ABCA6: variants seen among roughly 807,000 people sequenced by gnomAD.
ABCA6 encodes ATP binding cassette subfamily A member 6, also known as ATP-binding cassette sub-family A member 6.
Under a neutral mutation model 191.2 loss-of-function variants are expected in ABCA6, and 164 were observed. The observed-to-expected ratio is 0.86, with a 90% CI of 0.76 to 0.98. The LOEUF (loss-of-function observed/expected upper bound fraction) is 0.98. ABCA6 is among the 50% of genes least tolerant of loss of function. ABCA6 has a pLI of 0.00. For missense variants in ABCA6, 1,958 were observed against 1,894.1 expected, an observed-to-expected ratio of 1.03 and a Z score of -0.63; for synonymous variants, 636 against 647.7, an observed-to-expected ratio of 0.98 and a Z score of 0.27.
intron 18 of ABCA6, 73 bp from the exon 19 acceptor site, chr17:69,106,284 T>G: frequency 7.2e-7 from 1 of 1,391,024 alleles, no homozygotes; most frequent in Non-Finnish European, 9.7e-7. Flanking sequence ...CAGATTTTCC[T>G]TAGTAATATT....
chr17:69,133,711 T>C lies in ABCA6; in HGVS notation c.721A>G (p.Asn241Asp), dbSNP rs1288572062. The change falls in exon 6 of 39, where the codon AAT becomes GAT. Residue 241 changes from asparagine (N) to aspartate (D), a missense_variant. Asn to Asp is a conservative substitution (Grantham distance 23). Coordinates refer to ENST00000284425, the MANE Select transcript of ABCA6 (RefSeq NM_080284.3). ...FSPLVYFISL[N>D]VTKERKKSKN... ...GACTTTTTTCTCTCTTTTGTTACAT[T>C]GAGTGATATAAAATATACAAGTGGG... 6.2e-7 allele frequency: 1 copy of C among 1,611,286 alleles called. No individual in the cohort carries two copies. The highest frequency in any genetic ancestry group is 2.2e-5 in the East Asian group (1 of 44,742).
chr17:69,128,907 A>ATT, intron 7 of ABCA6, 103 bp from the exon 8 acceptor site: 5 of 884,000 alleles, frequency 5.7e-6, no homozygotes, highest in Non-Finnish European at 8.4e-6. Context: ...TAACATAAAT[A>ATT]TTTATCAGTG....
intron 21 of ABCA6, among the ~76,000 whole-genome samples, chr17:69,101,736 T>C (rs188442558): frequency 6.6e-6 from 1 of 152,300 alleles, no homozygotes; most frequent in Admixed American, 6.5e-5. Context: ...TTTATATTTA[T>C]GTACTTCATG....
At position 69,084,298 on chromosome 17, in the gene ABCA6, A is replaced by G. The variant is rs764521650; in HGVS notation, c.4318T>C (p.Ser1440Pro). Residue 1440 changes from serine (S) to proline (P), a missense_variant, in exon 34 of 39, where the codon TCT becomes CCT. Physicochemically the swap from Ser to Pro is moderately conservative, Grantham distance 74. Coordinates refer to ENST00000284425, the MANE Select transcript of ABCA6 (RefSeq NM_080284.3). ...TGCCCTGTGGGGTCTATGCCCGTAG[A>G]TGGTTCATCCAGGAGCAAGACAGGT... is the stretch of plus-strand genomic sequence containing the variant. Reference protein sequence around the residue: ...NSPVLLLDEPSTGIDPTGQQQ... With the variant: ...NSPVLLLDEPPTGIDPTGQQQ... 2 of 1,614,150 alleles carry G rather than the reference A, an allele frequency of 1.2e-6. No homozygotes were observed. The highest frequency in any genetic ancestry group is 1.7e-5 in the Admixed American group (1 of 60,024).
At chr17:69,135,960 A>G (rs1239184703) in intron 4 of ABCA6, 132 bp downstream of exon 4, 1 of 854,304 alleles carries the variant, frequency 1.2e-6, no homozygotes, top group African/African-American at 1.7e-5. Context: ...ACCTTGAAAT[A>G]AGTTCAGCAA....
chr17:69,124,523 G>C (rs986445767), intron 9 of ABCA6, among the ~76,000 whole-genome samples: 8 of 151,792 alleles, frequency 5.3e-5, no homozygotes, highest in Non-Finnish European at 8.8e-5. Flanking sequence ...CCTCCCGAGA[G>C]CCAAACCACC....
chr17:69,080,546 C>A (rs925705944), intron 37 of ABCA6, among the ~76,000 whole-genome samples: 1 of 152,032 alleles, frequency 6.6e-6, no homozygotes, highest in Non-Finnish European at 1.5e-5. Context: ...AGGGGACGGT[C>A]AAAGCTATCA....
intron 15 of ABCA6, chr17:69,113,005 A>G (rs1396683336): frequency 1.0e-5 from 4 of 390,008 alleles, no homozygotes; most frequent in African/African-American, 2.1e-5. Flanking sequence ...ATCTAAAAAA[A>G]AAAGGTAATC....
At chr17:69,088,464 T>A (rs1445778997) in intron 27 of ABCA6, among the ~76,000 whole-genome samples, 1 of 152,148 alleles carries the variant, frequency 6.6e-6, no homozygotes, top group Non-Finnish European at 1.5e-5. Flanking sequence ...AGTTTGTAAG[T>A]AAATTCTATC....
chr17:69,103,602 C>A (rs2073227916), intron 20 of ABCA6, among the ~76,000 whole-genome samples: 1 of 152,064 alleles, frequency 6.6e-6, no homozygotes, highest in Admixed American at 6.6e-5. Context: ...CAGCCTAGAG[C>A]ACACCAGAGC....
intron 17 of ABCA6, chr17:69,108,910 T>C (rs1322466258): frequency 6.6e-6 from 1 of 152,192 alleles, no homozygotes; most frequent in Non-Finnish European, 1.5e-5. Context: ...CAAAGTAACA[T>C]ATTCCAGTGG....
chr17:69,121,052 T>C (rs2073631911), intron 10 of ABCA6, among the ~76,000 whole-genome samples: 2 of 152,040 alleles, frequency 1.3e-5, no homozygotes, highest in African/African-American at 4.8e-5. Flanking sequence ...CATTTCTATA[T>C]AAAGAGGAAG....
In ABCA6 at chr17:69,113,150, C is replaced by A. The variant is rs187399959; in HGVS notation, c.2041+72G>T. ...CACCATAATGAGAGCAGGGCTCTTA[C>A]CCTGGGAATAGACCTCGCTTCTAAA... On this transcript the variant is annotated intron_variant, in intron 15 of 38. Coordinates refer to ENST00000284425, the MANE Select transcript of ABCA6 (RefSeq NM_080284.3). The A allele has an allele frequency of 1.3e-3, 1,913 of 1,524,126 alleles. 4 individuals carry two copies. Among genetic ancestry groups the A allele is most frequent in the Non-Finnish European group, 1.5e-3 (1,737 of 1,139,756 alleles). The allele number at this position is 1,524,126 out of a possible 1,614,324, so 94.4% of individuals were successfully genotyped here.
intron 9 of ABCA6, 101 bp downstream of exon 9, chr17:69,124,787 G>T (rs2073717581): frequency 3.1e-6 from 2 of 635,162 alleles, no homozygotes; most frequent in Non-Finnish European, 4.9e-6. Context: ...TTTGAAATGG[G>T]AAATATTTAA....
chr17:69,097,390 C>CAAAAAAAAAAAAAAAAAAAAAAA (rs11365217), intron 23 of ABCA6, among the ~76,000 whole-genome samples: 1 of 78,078 alleles, frequency 1.3e-5, no homozygotes. Context: ...GACTCCATCT[C>CAAAAAAAAAAAAAAAAAAAAAAA]AAAAAAAAAA....
At chr17:69,085,834 T>G in intron 30 of ABCA6, 118 bp from the exon 31 acceptor site, 1 of 696,058 alleles carries the variant, frequency 1.4e-6, no homozygotes. Flanking sequence ...ATTTTGAGAT[T>G]GATAACATAT....
chr17:69,100,606 C>G (rs560946831), intron 22 of ABCA6, among the ~76,000 whole-genome samples, 191 bp downstream of exon 22: 11 of 146,738 alleles, frequency 7.5e-5, no homozygotes, highest in African/African-American at 2.5e-4. Context: ...TATTCCCTCA[C>G]GATAATTATC....
chr17:69,096,888 T>A (rs2073059384), intron 23 of ABCA6, 87 bp from the exon 24 acceptor site: 1 of 1,132,256 alleles, frequency 8.8e-7, no homozygotes, highest in African/African-American at 1.7e-5. Flanking sequence ...ATTGGAAGAA[T>A]TTTTAAGATA....
At chr17:69,117,841 C>T (rs1281715295) in intron 11 of ABCA6, 57 bp downstream of exon 11, 1 of 1,325,060 alleles carries the variant, frequency 7.5e-7, no homozygotes, top group South Asian at 1.3e-5. Flanking sequence ...GAATGTTTCC[C>T]TTTTTTATAA....
Sources: gnomAD v4.1 joint callset for allele counts (sites outside exome capture counted in the v4.1 genomes callset) on GRCh38, gnomAD v4.1.1 for gene constraint, MANE v1.5 for transcripts, NCBI Gene and HGNC (gene_info 2026-07-23, HGNC 2026-07-21) for gene names.